KALRN: variants seen among roughly 807,000 people sequenced by gnomAD.
KALRN encodes the protein kalirin RhoGEF kinase.
In KALRN, 70 loss-of-function variants were observed where a neutral mutation model predicts 353.7. The observed-to-expected ratio is 0.20, with a 90% CI of 0.16 to 0.24. The LOEUF is 0.24. Ranked by LOEUF, KALRN falls within the 10% of genes least tolerant of loss-of-function variation. The pLI is 1.00. For missense variants in KALRN, 2,791 were observed against 3,756.7 expected, an observed-to-expected ratio of 0.74 and a Z score of 6.72; for synonymous variants, 1,391 against 1,434.8, an observed-to-expected ratio of 0.97 and a Z score of 0.69.
chr3:124,085,326 T>A (rs956632435), intron 1 of KALRN, among the ~76,000 whole-genome samples: 2 of 152,234 alleles, frequency 1.3e-5, no homozygotes, highest in Admixed American at 6.5e-5. Context: ...GAACTTGAGA[T>A]GAAACATAGT....
At chr3:124,434,063 A>G (rs929704881) in intron 16 of KALRN, among the ~76,000 whole-genome samples, 1 of 152,212 alleles carries the variant, frequency 6.6e-6, no homozygotes. Flanking sequence ...AGAGTGCTGC[A>G]AGGAAAAAGA....
intron 33 of KALRN, among the ~76,000 whole-genome samples, chr3:124,528,140 G>C (rs1230613558): frequency 6.6e-6 from 1 of 152,144 alleles, no homozygotes; most frequent in Non-Finnish European, 1.5e-5. Flanking sequence ...AGTCTAGTTT[G>C]ATAAAGTTTC....
intron 27 of KALRN, among the ~76,000 whole-genome samples, chr3:124,480,344 C>T (rs1337128818): frequency 6.6e-6 from 1 of 152,182 alleles, no homozygotes; most frequent in East Asian, 1.9e-4. Context: ...GAAATCATTT[C>T]TGATAGGCAT....
At chr3:124,489,739 C>A (rs2062939489) in intron 29 of KALRN, among the ~76,000 whole-genome samples, 1 of 152,216 alleles carries the variant, frequency 6.6e-6, no homozygotes, top group African/African-American at 2.4e-5. Context: ...GCAGCAACAG[C>A]ACCTGGGAGC....
chr3:124,588,702 A>G (rs2075460432), intron 34 of KALRN, among the ~76,000 whole-genome samples: 1 of 152,180 alleles, frequency 6.6e-6, no homozygotes, highest in South Asian at 2.1e-4. Flanking sequence ...CTGGGATTAC[A>G]GGTGTGAGTC....
At chr3:124,226,421 C>T (rs2078510345) in intron 1 of KALRN, among the ~76,000 whole-genome samples, 1 of 152,160 alleles carries the variant, frequency 6.6e-6, no homozygotes, top group African/African-American at 2.4e-5. Context: ...TTTCCTATTG[C>T]TCAAGGTCTT....
At chr3:124,576,077 C>T (rs1271861042) in intron 34 of KALRN, among the ~76,000 whole-genome samples, 2 of 151,648 alleles carry the variant, frequency 1.3e-5, no homozygotes, top group East Asian at 3.9e-4. Context: ...ACACCAGATA[C>T]CCCAGATCCT....
chr3:124,155,532 T>G (rs2068851699), intron 1 of KALRN, among the ~76,000 whole-genome samples: 1 of 152,154 alleles, frequency 6.6e-6, no homozygotes, highest in Non-Finnish European at 1.5e-5. Flanking sequence ...CAGACTAGGT[T>G]TAAATATCCT....
chr3:124,452,674 C>T lies in KALRN; in HGVS notation c.3553-2503C>T, dbSNP rs183268037. Among the ~76,000 whole-genome samples, 19 of 152,154 alleles carry T rather than the reference C, an allele frequency of 1.2e-4. No homozygotes were observed. In the East Asian group the frequency reaches 3.5e-3, roughly 28 times the overall value. On this transcript the variant is annotated intron_variant, in intron 21 of 59. Transcript: ENST00000682506. ...GGGCTGCTACAAAGGTAGGTGGAGC[C>T]GCATGGGGAAGGGCGTGTCTACACT...
At chr3:124,483,044 G>A (rs777224941) in intron 28 of KALRN, 144 bp downstream of exon 28, 75 of 666,022 alleles carry the variant, frequency 1.1e-4, no homozygotes, top group East Asian at 9.0e-4. Context: ...CACTGGCATC[G>A]CTGTCCTATC....
At chr3:124,345,814 G>A (rs1029309930) in intron 9 of KALRN, among the ~76,000 whole-genome samples, 1 of 152,126 alleles carries the variant, frequency 6.6e-6, no homozygotes, top group African/African-American at 2.4e-5. Flanking sequence ...CTTTGAAAAT[G>A]TTCATACCTT....
intron 1 of KALRN, among the ~76,000 whole-genome samples, chr3:124,222,840 A>C (rs2078067001): frequency 6.6e-6 from 1 of 152,072 alleles, no homozygotes; most frequent in Non-Finnish European, 1.5e-5. Flanking sequence ...CCTGGGCTCA[A>C]GTTGTCTGCC....
At chr3:124,492,994 G>C (rs2063333517) in intron 32 of KALRN, 112 bp downstream of exon 32, 8 of 1,250,560 alleles carry the variant, frequency 6.4e-6, no homozygotes, top group Non-Finnish European at 8.9e-6. Context: ...GCACTCTCCA[G>C]GAAGGCCTGT....
intron 11 of KALRN, among the ~76,000 whole-genome samples, chr3:124,385,528 ATCT>A (rs2088119813): frequency 6.6e-6 from 1 of 152,108 alleles, no homozygotes; most frequent in Admixed American, 6.6e-5. Flanking sequence ...AGGGGATTTA[ATCT>A]TCTTAATGAG....
intron 1 of KALRN, among the ~76,000 whole-genome samples, chr3:124,220,830 C>T (rs376958186): frequency 6.6e-6 from 1 of 152,232 alleles, no homozygotes; most frequent in African/African-American, 2.4e-5. Flanking sequence ...GCCCCTACCC[C>T]CTATTCTACC....
chr3:124,633,636 GGT>G lies in KALRN; in HGVS notation c.5467-195_5467-194del, dbSNP rs60981319. Among the ~76,000 whole-genome samples the G allele has an allele frequency of 7.3e-3, 756 of 103,552 alleles. 7 individuals carry two copies. The highest frequency in any genetic ancestry group is 0.02 in the African/African-American group (707 of 35,942). The allele number at this position is 103,552 out of a possible 152,430, so 67.9% of individuals were successfully genotyped here. A position where few individuals can be genotyped will look rare whatever the true frequency, so the allele number is the denominator to read the frequency against. On this transcript the variant is annotated intron_variant, in intron 35 of 59. Coordinates refer to ENST00000682506, the MANE Select transcript of KALRN (RefSeq NM_001388419.1). ...GTTTCTGGTTTTGCTTCTTTTTGGG[GGT>G]GTGTGTGTGTGTGTGTGTGTTCCCC...
Position 124,152,921 on chromosome 3 carries a change from T to C in KALRN, c.74-75069T>C, listed in dbSNP as rs2068381421. The C allele has an allele frequency of 2.2e-5, 4 of 182,378 alleles. No homozygotes were observed. In the South Asian group the frequency reaches 6.2e-4, roughly 28 times the overall value. The allele number at this position is 182,378 out of a possible 1,614,324, so 11.3% of individuals were successfully genotyped here. On this transcript the variant is annotated intron_variant, in intron 1 of 59. Transcript: ENST00000682506. ...TGAGCCACTGCACCTGGCTGTGCTT[T>C]GCTTTTTCATAGATAAGCTTCCTCC... is the stretch of plus-strand genomic sequence containing the variant.
chr3:124,587,241 G>A (rs1350807160), intron 34 of KALRN, among the ~76,000 whole-genome samples: 1 of 148,298 alleles, frequency 6.7e-6, no homozygotes, highest in Non-Finnish European at 1.5e-5. Flanking sequence ...AAAGGCGGCC[G>A]GTTGTTTGGT....
At position 124,719,181 on chromosome 3, in the gene KALRN, A is replaced by G; in HGVS notation, c.8672A>G (p.Asn2891Ser). ...LDESKEETCINVCRVDFSFPH... is the reference protein window; with the variant it reads ...LDESKEETCISVCRVDFSFPH... Reference sequence around the variant, plus strand: ...GAGAGCAAAGAGGAGACATGTATCAACGTATGCAGGGTGGATTTCAGCTTC... The same window carrying G: ...GAGAGCAAAGAGGAGACATGTATCAGCGTATGCAGGGTGGATTTCAGCTTC... Residue 2891 changes from asparagine (N) to serine (S), a missense_variant, in exon 60 of 60, where the codon AAC becomes AGC. Transcript: ENST00000682506. This position sits in a 1 kb window ranked among gnomAD's most constrained non-coding sequence, Gnocchi z 5.3. 6.2e-7 allele frequency: 1 copy of G among 1,614,268 alleles called. No individual in the cohort carries two copies. The highest frequency in any genetic ancestry group is 8.5e-7 in the Non-Finnish European group (1 of 1,180,050).
Sources: allele counts gnomAD v4.1 joint callset (sites outside exome capture counted in the v4.1 genomes callset), GRCh38; gene constraint gnomAD v4.1.1; non-coding constraint Gnocchi (gnomAD v3.1); transcripts MANE v1.5; gene names NCBI Gene and HGNC (gene_info 2026-07-23, HGNC 2026-07-21).